FTO: variants seen among roughly 807,000 people sequenced by gnomAD.
FTO encodes alpha-ketoglutarate-dependent dioxygenase FTO.
A neutral mutation model predicts 63.9 loss-of-function variants in FTO; 47 were observed. That is an observed-to-expected ratio of 0.74 (90% CI 0.58 to 0.94). The LOEUF is 0.94. FTO is among the 40% of genes least tolerant of loss of function. The pLI is 0.00. For synonymous variants in FTO, 207 were observed against 224.4 expected, an observed-to-expected ratio of 0.92 and a Z score of 0.69; for missense variants, 562 against 618.1, an observed-to-expected ratio of 0.91 and a Z score of 0.96.
chr16:53,736,424 C>T (rs560716494), intron 1 of FTO, among the ~76,000 whole-genome samples: 8 of 151,962 alleles, frequency 5.3e-5, no homozygotes, highest in Non-Finnish European at 1.2e-4. Flanking sequence ...ATCGAGTTCT[C>T]TCTGGAAATC....
intron 8 of FTO, among the ~76,000 whole-genome samples, chr16:54,019,618 A>G (rs1237814302): frequency 8.6e-6 from 1 of 116,390 alleles, no homozygotes; most frequent in African/African-American, 4.5e-5. Flanking sequence ...AGAAACCAGG[A>G]ACACCTCGGT....
intron 1 of FTO, among the ~76,000 whole-genome samples, chr16:53,706,721 A>C (rs931406785): frequency 6.6e-6 from 1 of 152,130 alleles, no homozygotes. Flanking sequence ...TTTGAGATTA[A>C]TCCATGTTGT....
At chr16:53,704,045 TG>T, upstream of FTO, 1 of 917,392 alleles carries the variant, frequency 1.1e-6, no homozygotes, top group Non-Finnish European at 1.8e-6. Flanking sequence ...CGGTGCATCC[TG>T]GGAGTTGTAG....
At chr16:54,070,764 G>C (rs1291986745) in intron 8 of FTO, 2 of 152,168 alleles carry the variant, frequency 1.3e-5, no homozygotes, top group Non-Finnish European at 2.9e-5. Context: ...GCAGGCTACT[G>C]AACTTCTGAA....
chr16:53,877,968 G>A (rs113228028), intron 5 of FTO, among the ~76,000 whole-genome samples: 3 of 152,308 alleles, frequency 2.0e-5, no homozygotes, highest in African/African-American at 7.2e-5. Context: ...AAGTAAAGGT[G>A]CAAGTAGGGA....
chr16:53,921,332 G>T (rs2082002133), intron 7 of FTO, among the ~76,000 whole-genome samples: 1 of 152,182 alleles, frequency 6.6e-6, no homozygotes, highest in South Asian at 2.1e-4. Flanking sequence ...GATGTTTAGG[G>T]GAAGGAGAGA....
chr16:53,851,352 G>A (rs12596970), intron 4 of FTO, among the ~76,000 whole-genome samples: 2 of 150,640 alleles, frequency 1.3e-5, no homozygotes, highest in Admixed American at 6.6e-5. Context: ...CCAGCTACTC[G>A]GGAGGCTGAG....
chr16:53,748,276 T>C (rs1414642563), intron 1 of FTO, among the ~76,000 whole-genome samples: 1 of 152,168 alleles, frequency 6.6e-6, no homozygotes, highest in Non-Finnish European at 1.5e-5. Context: ...TTAACAATAT[T>C]AATTCTTCTA....
At chr16:53,961,891 C>T (rs79444436) in intron 8 of FTO, among the ~76,000 whole-genome samples, 3 of 152,184 alleles carry the variant, frequency 2.0e-5, no homozygotes, top group Non-Finnish European at 2.9e-5. Context: ...GACTTCCCAC[C>T]GGGCACCTTT....
In FTO at chr16:53,704,246, G is replaced by T. The variant is rs1158123773; in HGVS notation, c.45+17G>T. 6.4e-7 allele frequency: 1 copy of T among 1,551,188 alleles called. No homozygotes were observed. Among genetic ancestry groups the T allele is most frequent in the Non-Finnish European group, 8.7e-7 (1 of 1,146,676 alleles). ...GAAGCTAAGGTATGTCGGGCTCCCG[G>T]GGCCTGGAGATCTTCGTGCGCTGTG... On this transcript the variant is annotated intron_variant, in intron 1 of 8. Coordinates refer to ENST00000471389, the MANE Select transcript of FTO (RefSeq NM_001080432.3).
chr16:53,789,177 C>T (rs544240430), intron 1 of FTO, among the ~76,000 whole-genome samples: 8 of 152,286 alleles, frequency 5.3e-5, no homozygotes, highest in Admixed American at 1.3e-4. Context: ...GAACCATTGG[C>T]ATAACCTTGT....
intron 1 of FTO, among the ~76,000 whole-genome samples, chr16:53,715,170 A>G (rs2151474882): frequency 6.6e-6 from 1 of 152,280 alleles, no homozygotes; most frequent in East Asian, 1.9e-4. Flanking sequence ...TTTGCCCTGA[A>G]AATGGTTGGC....
chr16:53,818,323 GC>G (rs1305798893), intron 2 of FTO, among the ~76,000 whole-genome samples: 1 of 151,962 alleles, frequency 6.6e-6, no homozygotes, highest in Non-Finnish European at 1.5e-5. Context: ...GACAAAATTA[GC>G]CAGTTATTAT....
intron 4 of FTO, among the ~76,000 whole-genome samples, chr16:53,872,294 T>A (rs1487150731): frequency 6.6e-6 from 1 of 152,224 alleles, no homozygotes; most frequent in Non-Finnish European, 1.5e-5. Context: ...CACAGGTCAG[T>A]GCTCTTCCAA....
intron 8 of FTO, among the ~76,000 whole-genome samples, chr16:54,056,308 G>T (rs2085432021): frequency 6.6e-6 from 1 of 152,140 alleles, no homozygotes; most frequent in Non-Finnish European, 1.5e-5. Flanking sequence ...GTGAGGGCGG[G>T]GGTCATATAC....
At chr16:53,878,377 GT>G (rs373614559) in intron 5 of FTO, among the ~76,000 whole-genome samples, 1 of 151,796 alleles carries the variant, frequency 6.6e-6, no homozygotes, top group Non-Finnish European at 1.5e-5. Flanking sequence ...TCTTTGTGGG[GT>G]TTTTTTTGGC....
intron 1 of FTO, among the ~76,000 whole-genome samples, chr16:53,748,000 G>A (rs1256597916): frequency 2.0e-5 from 3 of 151,996 alleles, no homozygotes; most frequent in African/African-American, 7.3e-5. Context: ...GCTCTATTCT[G>A]TTCATTGGTT....
chr16:53,956,567 C>T (rs1455706585), intron 8 of FTO: 1 of 151,924 alleles, frequency 6.6e-6, no homozygotes, highest in East Asian at 1.9e-4. Flanking sequence ...GCAATTAGAA[C>T]ACATCTCACC....
chr16:54,069,166 AG>A (rs2085801127), intron 8 of FTO, among the ~76,000 whole-genome samples: 1 of 152,136 alleles, frequency 6.6e-6, no homozygotes, highest in South Asian at 2.1e-4. Flanking sequence ...AGCTGGTAGA[AG>A]GAACTCTGAT....
Sources: gnomAD v4.1 joint callset for allele counts (sites outside exome capture counted in the v4.1 genomes callset) on GRCh38, gnomAD v4.1.1 for gene constraint, MANE v1.5 for transcripts, NCBI Gene and HGNC (gene_info 2026-07-23, HGNC 2026-07-21) for gene names.